RBFOX1: variants seen among roughly 807,000 people sequenced by gnomAD.
RBFOX1 encodes the protein RNA binding fox-1 homolog 1.
RBFOX1 carries 8 observed loss-of-function variants against 57.7 expected under a neutral mutation model. That is an observed-to-expected ratio of 0.14 (90% CI 0.08 to 0.25). The LOEUF is 0.25. Ranked by LOEUF, RBFOX1 falls within the 10% of genes least tolerant of loss-of-function variation. The pLI, the probability that RBFOX1 is intolerant of heterozygous loss-of-function variation, is 1.00. For synonymous variants in RBFOX1, 326 were observed against 222.4 expected, an observed-to-expected ratio of 1.47 and a Z score of -4.15; for missense variants, 611 against 548.5, an observed-to-expected ratio of 1.11 and a Z score of -1.14.
intron 1 of RBFOX1, among the ~76,000 whole-genome samples, chr16:5,450,273 G>C (rs2068381481): frequency 6.6e-6 from 1 of 152,204 alleles, no homozygotes; most frequent in African/African-American, 2.4e-5. Flanking sequence ...GAGGTAACAA[G>C]GGGGCAAGTC....
At chr16:6,799,642 G>A (rs1040775471) in intron 3 of RBFOX1, among the ~76,000 whole-genome samples, 6 of 152,132 alleles carry the variant, frequency 3.9e-5, no homozygotes, top group Non-Finnish European at 7.3e-5. Flanking sequence ...TCAGCTGCCA[G>A]TACAGCTCGT....
At chr16:6,492,652 C>G (rs985498910) in intron 2 of RBFOX1, among the ~76,000 whole-genome samples, 3 of 152,250 alleles carry the variant, frequency 2.0e-5, no homozygotes, top group South Asian at 2.1e-4. Context: ...TGTGTGATCG[C>G]TGAAGTTTGT....
intron 4 of RBFOX1, among the ~76,000 whole-genome samples, chr16:7,202,380 G>A (rs572125807): frequency 6.6e-6 from 1 of 151,740 alleles, no homozygotes; most frequent in East Asian, 1.9e-4. Flanking sequence ...CTGTGGGTAG[G>A]AAGGTAAAAT....
chr16:6,652,275 C>G (rs192710789), intron 2 of RBFOX1, among the ~76,000 whole-genome samples: 3 of 152,172 alleles, frequency 2.0e-5, no homozygotes. Flanking sequence ...ATGGTGAAAT[C>G]CCATCTCTAC....
At chr16:7,495,938 T>C (rs1475958109) in intron 4 of RBFOX1, among the ~76,000 whole-genome samples, 1 of 152,140 alleles carries the variant, frequency 6.6e-6, no homozygotes, top group Non-Finnish European at 1.5e-5. Flanking sequence ...TCATTGAAGT[T>C]CCTCATTTAA....
intron 3 of RBFOX1, among the ~76,000 whole-genome samples, chr16:5,817,706 T>C (rs1387759052): frequency 6.6e-6 from 1 of 150,886 alleles, no homozygotes; most frequent in Admixed American, 6.6e-5. Context: ...TGTATTTTTT[T>C]TTTTTTTTGA....
intron 14 of RBFOX1, among the ~76,000 whole-genome samples, chr16:7,683,161 TAGTG>T (rs2075296791): frequency 2.0e-5 from 3 of 147,766 alleles, no homozygotes; most frequent in African/African-American, 7.5e-5. Flanking sequence ...GGCTCTGAAA[TAGTG>T]AGGAAGGGAA....
chr16:7,099,466 C>G (rs976673020), intron 4 of RBFOX1, among the ~76,000 whole-genome samples: 2 of 152,240 alleles, frequency 1.3e-5, no homozygotes, highest in African/African-American at 4.8e-5. Context: ...GTGGTTTGCA[C>G]TGGTATGTGA....
chr16:5,698,602 A>C (rs961671437), intron 3 of RBFOX1, among the ~76,000 whole-genome samples: 12 of 151,904 alleles, frequency 7.9e-5, no homozygotes, highest in South Asian at 6.2e-4. Flanking sequence ...CTGAGTATAC[A>C]TTCAAAAGAT....
intron 5 of RBFOX1, among the ~76,000 whole-genome samples, chr16:7,520,846 T>C (rs940599077): frequency 1.3e-5 from 2 of 152,254 alleles, no homozygotes; most frequent in African/African-American, 2.4e-5. Context: ...TCAGACATTA[T>C]TTATTAAGCT....
At chr16:7,699,170 A>C (rs1357730373) in intron 14 of RBFOX1, among the ~76,000 whole-genome samples, 3 of 152,156 alleles carry the variant, frequency 2.0e-5, no homozygotes, top group African/African-American at 7.2e-5. Context: ...ACACCTTGGG[A>C]CACACTAACT....
chr16:6,100,203 C>G (rs1451763988), intron 1 of RBFOX1, among the ~76,000 whole-genome samples: 1 of 151,958 alleles, frequency 6.6e-6, no homozygotes, highest in Non-Finnish European at 1.5e-5. Context: ...TGCTCTGTCA[C>G]CCAGGCTGGA....
chr16:6,941,303 CTT>C (rs1343876139), intron 3 of RBFOX1, among the ~76,000 whole-genome samples: 96 of 31,492 alleles, frequency 3.0e-3, no homozygotes, highest in African/African-American at 7.9e-3. Context: ...TCCCTCCCTC[CTT>C]CCTTCCTTCC....
intron 2 of RBFOX1, among the ~76,000 whole-genome samples, chr16:6,532,070 T>C (rs1481988473): frequency 6.6e-6 from 1 of 152,210 alleles, no homozygotes; most frequent in Non-Finnish European, 1.5e-5. Context: ...TGTATCATTC[T>C]GCTCCAGTTC....
intron 3 of RBFOX1, among the ~76,000 whole-genome samples, chr16:6,760,100 TAA>T (rs993665281): frequency 2.0e-5 from 3 of 151,992 alleles, no homozygotes; most frequent in African/African-American, 4.8e-5. Flanking sequence ...TTGTTTTCAT[TAA>T]AAGATAAAAG....
intron 2 of RBFOX1, among the ~76,000 whole-genome samples, chr16:6,343,962 C>A (rs1255906130): frequency 2.0e-5 from 3 of 152,164 alleles, no homozygotes; most frequent in African/African-American, 7.2e-5. Flanking sequence ...GTCAGCTGAG[C>A]ACAGTCTAAT....
chr16:7,709,028 T>A (rs1250143377), intron 14 of RBFOX1, 28 bp from the exon 15 acceptor site: 3 of 1,583,124 alleles, frequency 1.9e-6, no homozygotes, highest in African/African-American at 2.7e-5. Context: ...ATACTGTGGA[T>A]CAATCTTCAC....
chr16:7,183,028 G>T (rs560150086), intron 4 of RBFOX1, among the ~76,000 whole-genome samples: 1 of 152,058 alleles, frequency 6.6e-6, no homozygotes, highest in African/African-American at 2.4e-5. Flanking sequence ...ACACATAATG[G>T]GCACACAACA....
rs190405878 is a variant in RBFOX1, at chr16:5,980,846, C to A, written c.351+113511C>A. Reference sequence around the variant, plus strand: ...CAGACCTCAGGCTCAGACACTTTGTCGGGCAACGCTGTCGTCCTGCCATTT... The same window carrying A: ...CAGACCTCAGGCTCAGACACTTTGTAGGGCAACGCTGTCGTCCTGCCATTT... On this transcript the variant is annotated intron_variant, in intron 4 of 19. Coordinates refer to the RBFOX1 transcript ENST00000641259. Among the ~76,000 whole-genome samples, 6 of 119,674 alleles carry A rather than the reference C, an allele frequency of 5.0e-5. No individual in the cohort carries two copies. The East Asian group carries it at 1.1e-3, about 21-fold the overall frequency. 78.5% of individuals were successfully genotyped at this position (119,674 alleles called of 152,430 possible).
Sources: allele counts gnomAD v4.1 joint callset (sites outside exome capture counted in the v4.1 genomes callset), GRCh38; gene constraint gnomAD v4.1.1; transcripts MANE v1.5; gene names NCBI Gene and HGNC (gene_info 2026-07-23, HGNC 2026-07-21).